Variants in GPR39 observed in about 807,000 individuals in gnomAD.
The protein encoded by GPR39 is zinc sensing receptor.
A neutral mutation model predicts 18.4 loss-of-function variants in GPR39; 23 were observed. The observed-to-expected ratio is 1.25, with a 90% CI of 0.90 to 1.77. The LOEUF is 1.77. GPR39 is among the 40% of genes most tolerant of loss of function. The pLI is 0.00. For synonymous variants in GPR39, 280 were observed against 257.9 expected (o/e 1.09, Z -0.82); for missense variants, 647 against 602.4 (o/e 1.07, Z -0.78).
At chr2:132,575,008 C>T (rs1680505061) in intron 1 of GPR39, among the ~76,000 whole-genome samples, 1 of 152,150 alleles carries the variant, frequency 6.6e-6, no homozygotes, top group East Asian at 1.9e-4. Flanking sequence ...CTTTCTTCTG[C>T]ATATTCTGTA....
intron 1 of GPR39, among the ~76,000 whole-genome samples, chr2:132,558,116 T>C (rs899721885): frequency 6.6e-6 from 1 of 152,124 alleles, no homozygotes; most frequent in Non-Finnish European, 1.5e-5. Flanking sequence ...AGTGCAATAA[T>C]AACAACAAAA....
chr2:132,436,594 A>G (rs1323639129), intron 1 of GPR39, among the ~76,000 whole-genome samples: 1 of 152,232 alleles, frequency 6.6e-6, no homozygotes, highest in African/African-American at 2.4e-5. Context: ...TGCTCTCAGC[A>G]CTTTACAATG....
At chr2:132,566,195 T>C (rs2104808578) in intron 1 of GPR39, among the ~76,000 whole-genome samples, 1 of 148,410 alleles carries the variant, frequency 6.7e-6, no homozygotes, top group African/African-American at 2.5e-5. Flanking sequence ...TGCATAAATG[T>C]CTTCTTTTGA....
chr2:132,590,722 G>A (rs1477009868), intron 1 of GPR39, among the ~76,000 whole-genome samples: 2 of 59,366 alleles, frequency 3.4e-5, no homozygotes, highest in Non-Finnish European at 5.9e-5. Flanking sequence ...TGTCTTTCAG[G>A]GATGGACTCC....
At chr2:132,569,397 G>T (rs1249022115) in intron 1 of GPR39, among the ~76,000 whole-genome samples, 1 of 152,058 alleles carries the variant, frequency 6.6e-6, no homozygotes, top group African/African-American at 2.4e-5. Flanking sequence ...CCAGCTGATG[G>T]GTTTGATGGA....
At chr2:132,504,059 C>T (rs1365805055) in intron 1 of GPR39, among the ~76,000 whole-genome samples, 1 of 152,174 alleles carries the variant, frequency 6.6e-6, no homozygotes, top group Non-Finnish European at 1.5e-5. Context: ...CAGTTTTTGG[C>T]ATCTCAGGGA....
chr2:132,424,751 T>C (rs1264645209), intron 1 of GPR39, among the ~76,000 whole-genome samples: 1 of 152,266 alleles, frequency 6.6e-6, no homozygotes, highest in African/African-American at 2.4e-5. Context: ...CATTCCAATT[T>C]GGGTCAAAGT....
intron 1 of GPR39, among the ~76,000 whole-genome samples, chr2:132,440,964 G>A (rs1034406935): frequency 6.6e-6 from 1 of 152,064 alleles, no homozygotes; most frequent in Non-Finnish European, 1.5e-5. Flanking sequence ...TGAAGGACAC[G>A]CTCTTCTCTG....
chr2:132,472,148 G>A (rs1224032566), intron 1 of GPR39, among the ~76,000 whole-genome samples: 1 of 152,162 alleles, frequency 6.6e-6, no homozygotes, highest in Non-Finnish European at 1.5e-5. Flanking sequence ...CTCCATTCCT[G>A]GGCAAGTAGT....
intron 1 of GPR39, among the ~76,000 whole-genome samples, chr2:132,565,765 G>A (rs1680340560): frequency 6.8e-6 from 1 of 146,206 alleles, no homozygotes. Flanking sequence ...ATTCCATGGT[G>A]TATATGTGCC....
At chr2:132,497,652 C>G (rs1006293891) in intron 1 of GPR39, among the ~76,000 whole-genome samples, 1 of 152,152 alleles carries the variant, frequency 6.6e-6, no homozygotes, top group Non-Finnish European at 1.5e-5. Context: ...GAACAAAGCC[C>G]TTTCTAACAC....
In GPR39 at chr2:132,568,131, A is replaced by G. The variant is rs550037654; in HGVS notation, c.857-76970A>G. ...AGCCAAGACTGAAGATCACTGGTCT[A>G]GGATAATCATGGCATTTCAACTCCC... On this transcript the variant is annotated intron_variant, in intron 1 of 1. Coordinates refer to ENST00000329321, the MANE Select transcript of GPR39 (RefSeq NM_001508.3). 2.6e-5 allele frequency among the ~76,000 whole-genome samples: 4 copies of G among 152,240 alleles called. No individual in the cohort carries two copies. In the East Asian group the frequency reaches 7.7e-4, roughly 29 times the overall value.
intron 1 of GPR39, among the ~76,000 whole-genome samples, chr2:132,601,449 A>G (rs1180135145): frequency 6.6e-6 from 1 of 152,188 alleles, no homozygotes; most frequent in African/African-American, 2.4e-5. Context: ...CATTAGGTAT[A>G]GAAGAAACAT....
At chr2:132,635,223 G>GC (rs1341880509) in intron 1 of GPR39, among the ~76,000 whole-genome samples, 2 of 152,098 alleles carry the variant, frequency 1.3e-5, no homozygotes, top group East Asian at 1.9e-4. Flanking sequence ...GTTCACCAGA[G>GC]CCCCTCACCT....
rs1365489175 is a variant in GPR39, at chr2:132,417,180, G to A, written c.138G>A (p.Leu46=). ...VYLIIFVMGL[L]GNSATIRVTQ... ...TGATCATCTTCGTGATGGGCCTTCT[G>A]GGGAACAGCGCCACCATTCGGGTCA... The change falls in exon 1 of 2, where the codon CTG becomes CTA. Residue 46 remains leucine, a synonymous_variant. Transcript: ENST00000329321. 1 of 1,614,104 alleles carries A rather than the reference G, an allele frequency of 6.2e-7. No homozygotes were observed. Among genetic ancestry groups the A allele is most frequent in the Non-Finnish European group, 8.5e-7 (1 of 1,180,022 alleles).
At chr2:132,604,470 A>C (rs1189047819) in intron 1 of GPR39, 1 of 152,210 alleles carries the variant, frequency 6.6e-6, no homozygotes, top group East Asian at 1.9e-4. Context: ...CTGGGGAGAG[A>C]ATACAACCTC....
At chr2:132,593,429 C>A (rs1680880726) in intron 1 of GPR39, among the ~76,000 whole-genome samples, 1 of 152,124 alleles carries the variant, frequency 6.6e-6, no homozygotes. Flanking sequence ...CCATGAGTCA[C>A]TTCATTGGCA....
chr2:132,578,067 G>GTT (rs34297392), intron 1 of GPR39, among the ~76,000 whole-genome samples: 8,149 of 131,662 alleles, frequency 0.062, 794 homozygotes, highest in African/African-American at 0.21. Context: ...TTTTTCTAGA[G>GTT]TTTTTTTTTT....
At chr2:132,480,137 C>T (rs1301245013) in intron 1 of GPR39, among the ~76,000 whole-genome samples, 2 of 152,088 alleles carry the variant, frequency 1.3e-5, no homozygotes, top group African/African-American at 4.8e-5. Context: ...AGGCATTATG[C>T]TAAGTGAAAT....
Sources: allele counts gnomAD v4.1 joint callset (sites outside exome capture counted in the v4.1 genomes callset), GRCh38; gene constraint gnomAD v4.1.1; transcripts MANE v1.5; gene names NCBI Gene and HGNC (gene_info 2026-07-23, HGNC 2026-07-21).